The following SNCAIP variants were observed in gnomAD, a reference collection of about 807,000 sequenced individuals.
The protein encoded by SNCAIP is synphilin-1.
In SNCAIP, 43 loss-of-function variants were observed where a neutral mutation model predicts 86.7. That is an observed-to-expected ratio of 0.50 (90% CI 0.39 to 0.64). SNCAIP has a LOEUF of 0.64. Among genes scored for constraint, SNCAIP ranks in the 30% least tolerant of loss-of-function variants. The pLI, the probability that SNCAIP is intolerant of heterozygous loss-of-function variation, is 0.00. For missense variants in SNCAIP, 981 were observed against 1,103.1 expected (o/e 0.89, Z 1.57); for synonymous variants, 417 against 427.2 (o/e 0.98, Z 0.29).
intron 1 of SNCAIP, among the ~76,000 whole-genome samples, chr5:122,323,911 A>G (rs1387268871): frequency 6.6e-6 from 1 of 152,132 alleles, no homozygotes; most frequent in African/African-American, 2.4e-5. Context: ...TTGTTGCGTG[A>G]CACATCGTAC....
chr5:122,426,012 G>A (rs1777307129), intron 5 of SNCAIP, among the ~76,000 whole-genome samples: 1 of 152,200 alleles, frequency 6.6e-6, no homozygotes. Context: ...TGCCGAGTTT[G>A]AGTTTAGCTC....
intron 8 of SNCAIP, among the ~76,000 whole-genome samples, chr5:122,447,943 G>A (rs1277854427): frequency 6.6e-6 from 1 of 152,226 alleles, no homozygotes; most frequent in Non-Finnish European, 1.5e-5. Flanking sequence ...GTCAGTAGGT[G>A]AGTCTGGAAG....
At chr5:122,373,050 C>T (rs1488909451) in intron 1 of SNCAIP, among the ~76,000 whole-genome samples, 1 of 152,172 alleles carries the variant, frequency 6.6e-6, no homozygotes, top group African/African-American at 2.4e-5. Flanking sequence ...GTTATTGAGA[C>T]ATCCCGTACT....
chr5:122,344,655 G>T (rs953292456), intron 1 of SNCAIP, among the ~76,000 whole-genome samples: 3 of 152,180 alleles, frequency 2.0e-5, no homozygotes, highest in Admixed American at 6.5e-5. Context: ...TAGTTTCACT[G>T]GAAGGTAAGG....
chr5:122,444,605 G>T lies in SNCAIP; in HGVS notation c.1465G>T (p.Ala489Ser), dbSNP rs763376254. ...AGCAAATGTCACCATGCAGAACCAC[G>T]CTGGGGAAAAGCCCTCCCAGAGCGC... ...YGANVTMQNHAGEKPSQSAER... is the reference protein window; with the variant it reads ...YGANVTMQNHSGEKPSQSAER... The change falls in exon 8 of 11, where the codon GCT (alanine) becomes TCT (serine). Residue 489 changes from alanine (A) to serine (S), a missense_variant. By Grantham distance (99) the Ala-to-Ser change is moderately conservative (BLOSUM62 1). Coordinates refer to ENST00000261368, the MANE Select transcript of SNCAIP (RefSeq NM_005460.4). 2 of 1,614,126 alleles carry T rather than the reference G, an allele frequency of 1.2e-6. No individual in the cohort carries two copies. The highest frequency in any genetic ancestry group is 1.7e-6 in the Non-Finnish European group (2 of 1,180,002).
chr5:122,424,016 T>C (rs145143755), intron 4 of SNCAIP, among the ~76,000 whole-genome samples: 182 of 152,338 alleles, frequency 1.2e-3, no homozygotes, highest in African/African-American at 4.2e-3. Context: ...CCCGGCACTT[T>C]CTTTAACTTG....
At chr5:122,342,201 T>C (rs539800848) in intron 1 of SNCAIP, among the ~76,000 whole-genome samples, 14 of 152,230 alleles carry the variant, frequency 9.2e-5, no homozygotes, top group African/African-American at 3.1e-4. Flanking sequence ...ACTCTTCTCC[T>C]CAATGGCCTA....
chr5:122,339,121 T>C (rs1056829474), intron 1 of SNCAIP, among the ~76,000 whole-genome samples: 1 of 150,802 alleles, frequency 6.6e-6, no homozygotes, highest in African/African-American at 2.4e-5. Context: ...TTTGTGATCA[T>C]TTGGGAATGC....
chr5:122,380,798 A>T (rs1766576197), intron 1 of SNCAIP, among the ~76,000 whole-genome samples: 1 of 151,938 alleles, frequency 6.6e-6, no homozygotes, highest in African/African-American at 2.4e-5. Flanking sequence ...TTCGTTATGT[A>T]TCCAGTAGTC....
At chr5:122,357,208 G>A (rs565730577) in intron 1 of SNCAIP, among the ~76,000 whole-genome samples, 39 of 151,886 alleles carry the variant, frequency 2.6e-4, no homozygotes, top group Admixed American at 4.6e-4. Flanking sequence ...TTGTATGTCT[G>A]CCCTAATGTT....
Position 122,463,581 on chromosome 5 carries a change from T to G in SNCAIP, c.*85T>G. ...CAAAAGAACTCTTCTTGTAAATCAC[T>G]TTTTAAATTTTCTCTCACTGATGCC... On this transcript the variant is annotated 3_prime_UTR_variant, in exon 11 of 11. Coordinates refer to ENST00000261368, the MANE Select transcript of SNCAIP (RefSeq NM_005460.4). The G allele has an allele frequency of 6.6e-7, 1 of 1,524,466 alleles. No individual in the cohort carries two copies. Among genetic ancestry groups the G allele is most frequent in the Non-Finnish European group, 9.0e-7 (1 of 1,105,368 alleles). 94.4% of individuals were successfully genotyped at this position (1,524,466 alleles called of 1,614,324 possible). A position where few individuals can be genotyped will look rare whatever the true frequency, so the allele number is the denominator to read the frequency against.
chr5:122,389,933 A>G (rs1235573637), intron 1 of SNCAIP: 2 of 152,204 alleles, frequency 1.3e-5, no homozygotes, highest in East Asian at 3.8e-4. Context: ...GAGCTTAAAA[A>G]AGAAAGAATG....
chr5:122,370,209 A>C (rs1196384289), intron 1 of SNCAIP, among the ~76,000 whole-genome samples: 1 of 152,090 alleles, frequency 6.6e-6, no homozygotes, highest in Non-Finnish European at 1.5e-5. Context: ...TATCAACAAA[A>C]AAATCTGTAT....
chr5:122,314,450 G>A (rs1169938229), intron 1 of SNCAIP, among the ~76,000 whole-genome samples: 1 of 152,198 alleles, frequency 6.6e-6, no homozygotes, highest in African/African-American at 2.4e-5. Context: ...TAGAATAGAA[G>A]CTTTGTTTTT....
chr5:122,444,777 T>C (rs752887572), intron 8 of SNCAIP, 45 bp downstream of exon 8: 2 of 1,512,238 alleles, frequency 1.3e-6, no homozygotes, highest in East Asian at 4.5e-5. Flanking sequence ...TAACTCATTA[T>C]TGTTGTACTT....
chr5:122,356,950 A>G (rs1012048161), intron 1 of SNCAIP, among the ~76,000 whole-genome samples: 1 of 152,140 alleles, frequency 6.6e-6, no homozygotes, highest in South Asian at 2.1e-4. Flanking sequence ...ATACTCTTCT[A>G]CTTGAAACCA....
intron 10 of SNCAIP, among the ~76,000 whole-genome samples, chr5:122,457,613 C>T (rs915222173): frequency 6.6e-6 from 1 of 152,134 alleles, no homozygotes; most frequent in Admixed American, 6.5e-5. Context: ...CTCTCTCTCT[C>T]ACTCTCTCTC....
At chr5:122,377,105 G>T (rs1765485186) in intron 1 of SNCAIP, among the ~76,000 whole-genome samples, 1 of 152,092 alleles carries the variant, frequency 6.6e-6, no homozygotes, top group African/African-American at 2.4e-5. Context: ...ATTTACCCTT[G>T]AAGTTAAATC....
intron 4 of SNCAIP, among the ~76,000 whole-genome samples, chr5:122,424,654 C>G (rs959289832): frequency 2.0e-5 from 3 of 152,056 alleles, no homozygotes; most frequent in Non-Finnish European, 4.4e-5. Context: ...TTCCATTTTC[C>G]TGGCTCTTCC....
Sources: allele counts gnomAD v4.1 joint callset (sites outside exome capture counted in the v4.1 genomes callset), GRCh38; gene constraint gnomAD v4.1.1; transcripts MANE v1.5; gene names NCBI Gene and HGNC (gene_info 2026-07-23, HGNC 2026-07-21).